Variants in IFT140 observed in about 807,000 individuals in gnomAD.
The protein encoded by IFT140 is intraflagellar transport 140, also known as intraflagellar transport protein 140 homolog.
Under a neutral mutation model 164.6 loss-of-function variants are expected in IFT140, and 133 were observed. The observed-to-expected ratio is 0.81, with a 90% CI of 0.70 to 0.93. The LOEUF (loss-of-function observed/expected upper bound fraction) is 0.93. Ranked by LOEUF, IFT140 falls within the 40% of genes least tolerant of loss-of-function variation. The probability of loss-of-function intolerance (pLI) is 0.00; values close to 1 mark genes in which losing one functional copy is unlikely to be tolerated. For synonymous variants in IFT140, 860 were observed against 817.3 expected, an observed-to-expected ratio of 1.05 and a Z score of -0.89; for missense variants, 2,045 against 1,972.3, an observed-to-expected ratio of 1.04 and a Z score of -0.70.
intron 14 of IFT140, among the ~76,000 whole-genome samples, chr16:1,568,751 C>A (rs908079146): frequency 1.3e-5 from 2 of 151,912 alleles, no homozygotes; most frequent in Non-Finnish European, 2.9e-5. Context: ...GAGACTCCAT[C>A]TCAAAAACAA....
chr16:1,596,131 A>T (rs1044867424), intron 4 of IFT140, among the ~76,000 whole-genome samples: 3 of 152,188 alleles, frequency 2.0e-5, no homozygotes, highest in Admixed American at 6.5e-5. Context: ...AAAATATTTT[A>T]AAAATAATGC....
chr16:1,561,994 G>C lies in IFT140; in HGVS notation c.2190C>G (p.Phe730Leu). 6.2e-7 allele frequency: 1 copy of C among 1,601,910 alleles called. No homozygotes were observed. Among genetic ancestry groups the C allele is most frequent in the Non-Finnish European group, 8.5e-7 (1 of 1,175,042 alleles). The part of the protein sequence containing the change: ...LLGMEVPYYY[F>L]TRKPEEADRE... ...TGTCGTGGCTTCGTACCTTTCTTGT[G>C]AAGTAGTAATAAGGCACTTCCATCC... Residue 730 changes from phenylalanine to leucine, a missense_variant, in exon 18 of 31, where the codon TTC (phenylalanine) becomes TTG (leucine). Transcript: ENST00000426508.
chr16:1,528,395 A>G (rs1249353294), intron 19 of IFT140, among the ~76,000 whole-genome samples: 1 of 145,916 alleles, frequency 6.9e-6, no homozygotes, highest in Non-Finnish European at 1.5e-5. Flanking sequence ...GTGCACACAC[A>G]CGGATGCACA....
chr16:1,520,692 C>A lies in IFT140; in HGVS notation c.3570G>T (p.Glu1190Asp). ...SSDLPEESRR[E>D]LLEQIADCCM... The stretch of plus-strand genomic sequence containing the variant: ...AGCAGTCTGCTATCTGCTCCAGCAG[C>A]TCCCGCCGCGACTCCTCAGGCAGGT... Residue 1190 changes from glutamate to aspartate, a missense_variant, in exon 27 of 31, where the codon GAG (glutamate) becomes GAT (aspartate). Glu to Asp is a conservative substitution (Grantham distance 45). Transcript: ENST00000426508. 6.2e-7 allele frequency: 1 copy of A among 1,609,898 alleles called. No individual in the cohort carries two copies.
rs1464001094 is a variant in IFT140, at chr16:1,552,975, C to T, written c.2399+4960G>A. 5.1e-6 allele frequency: 5 copies of T among 985,126 alleles called. No homozygotes were observed. In the African/African-American group the frequency reaches 7.0e-5, roughly 14 times the overall value. The allele number at this position is 985,126 out of a possible 1,614,324, so 61.0% of individuals were successfully genotyped here. A position where few individuals can be genotyped will look rare whatever the true frequency, so the allele number is the denominator to read the frequency against. ...GTCTAGAATGTTATTTTTAATAAAA[C>T]AGAAGTATCCAGGAGCTACCCATGT... On this transcript the variant is annotated intron_variant, in intron 19 of 30. Coordinates refer to ENST00000426508, the MANE Select transcript of IFT140 (RefSeq NM_014714.4).
At position 1,580,677 on chromosome 16, in the gene IFT140, A is replaced by G. The variant is rs1447219488; in HGVS notation, c.1524+82T>C. The G allele has an allele frequency of 9.7e-6, 9 of 925,404 alleles. No homozygotes were observed. In the East Asian group the frequency reaches 1.9e-4, roughly 20 times the overall value. The allele number at this position is 925,404 out of a possible 1,614,324, so 57.3% of individuals were successfully genotyped here. A position where few individuals can be genotyped will look rare whatever the true frequency, so the allele number is the denominator to read the frequency against. ...GAAAGGACTAATAACCTTAGGTGAA[A>G]TCAATAAACAGGCTTTGTCTCAATT... On this transcript the variant is annotated intron_variant, in intron 13 of 30. Transcript: ENST00000426508.
rs2040121808 is a variant in IFT140 at position 1,510,961 on chromosome 16, C to T, written c.4372G>A (p.Ala1458Thr). ...CAGGCCCCTCAGGGGTCGTCATCTG[C>T]CTCTTCCACCACCTCCTCGTCCAGC... ...RELDEEVVEE[A>T]DDDP The change falls in exon 31 of 31, where the codon GCA (alanine) becomes ACA (threonine). Residue 1458 changes from alanine to threonine, a missense_variant. Ala to Thr is a moderately conservative substitution (Grantham distance 58). Coordinates refer to ENST00000426508, the MANE Select transcript of IFT140 (RefSeq NM_014714.4). The T allele has an allele frequency of 6.2e-7, 1 of 1,612,076 alleles. No homozygotes were observed. The highest frequency in any genetic ancestry group is 8.5e-7 in the Non-Finnish European group (1 of 1,179,510).
chr16:1,597,146 T>G (rs1042087330), intron 4 of IFT140, among the ~76,000 whole-genome samples: 1 of 152,122 alleles, frequency 6.6e-6, no homozygotes, highest in Non-Finnish European at 1.5e-5. Context: ...TGGCCCCACA[T>G]CAGGGTGCGC....
chr16:1,586,882 T>C (rs895499031), intron 9 of IFT140, among the ~76,000 whole-genome samples: 27 of 152,176 alleles, frequency 1.8e-4, no homozygotes, highest in Non-Finnish European at 4.4e-5. Flanking sequence ...AATTTTTGTA[T>C]TTTTTGTGGA....
intron 19 of IFT140, among the ~76,000 whole-genome samples, chr16:1,529,116 C>A (rs761217279): frequency 2.6e-5 from 4 of 152,208 alleles, no homozygotes; most frequent in African/African-American, 9.7e-5. Flanking sequence ...TCCCGAAAGC[C>A]AGCAGGTACT....
At chr16:1,611,291 G>C (rs2036309808) in intron 1 of IFT140, among the ~76,000 whole-genome samples, 1 of 152,198 alleles carries the variant, frequency 6.6e-6, no homozygotes, top group African/African-American at 2.4e-5. Flanking sequence ...GATCGTTGGA[G>C]CCCAGGAGTT....
chr16:1,555,093 TCCA>T, intron 19 of IFT140: 14 of 1,537,274 alleles, frequency 9.1e-6, no homozygotes, highest in Non-Finnish European at 1.2e-5. Flanking sequence ...ACCAAGGGAC[TCCA>T]CCACCAAGTC....
rs376736727 is a variant in IFT140, at chr16:1,606,506, G to T, written c.147+614C>A. 5.9e-5 allele frequency among the ~76,000 whole-genome samples: 9 copies of T among 152,310 alleles called. No homozygotes were observed. The East Asian group carries it at 1.7e-3, about 29-fold the overall frequency. On this transcript the variant is annotated intron_variant, in intron 3 of 30. Coordinates refer to ENST00000426508, the MANE Select transcript of IFT140 (RefSeq NM_014714.4). ...ACAGAGTTTTGCTTTTGTTGCCCAG[G>T]CTGGAGCGCAATGGCGTGATCGCCG...
intron 13 of IFT140, among the ~76,000 whole-genome samples, chr16:1,575,388 A>C (rs943351836): frequency 1.3e-5 from 2 of 149,194 alleles, no homozygotes; most frequent in Admixed American, 1.3e-4. Flanking sequence ...AAAAATAAAT[A>C]AAAATGAAAA....
intron 19 of IFT140, among the ~76,000 whole-genome samples, chr16:1,544,136 G>T (rs2031920374): frequency 6.7e-6 from 1 of 150,010 alleles, no homozygotes; most frequent in Admixed American, 6.7e-5. Flanking sequence ...TCCTGCCTCA[G>T]CCTCCCGTGT....
In IFT140 at chr16:1,562,004, T is replaced by C; in HGVS notation, c.2180A>G (p.Tyr727Cys). The change falls in exon 18 of 31, where the codon TAT becomes TGT. Residue 727 changes from tyrosine to cysteine, a missense_variant. Physicochemically the swap from Tyr to Cys is radical, Grantham distance 194 (BLOSUM62 -2). Transcript: ENST00000426508. ...SHSLLGMEVP[Y>C]YYFTRKPEEA... ...TCGTACCTTTCTTGTGAAGTAGTAA[T>C]AAGGCACTTCCATCCCCAGGAGACT... The C allele has an allele frequency of 6.2e-7, 1 of 1,608,050 alleles. No homozygotes were observed. Among genetic ancestry groups the C allele is most frequent in the Non-Finnish European group, 8.5e-7 (1 of 1,177,592 alleles).
rs917672048 is a variant in IFT140, at chr16:1,541,788, T to A, written c.2400-14992A>T. 6 of 1,107,630 alleles carry A rather than the reference T, an allele frequency of 5.4e-6. No individual in the cohort carries two copies. In the African/African-American group the frequency reaches 8.1e-5, roughly 15 times the overall value. 68.6% of individuals were successfully genotyped at this position (1,107,630 alleles called of 1,614,324 possible). ...AGGGCGTGATGCTTCCCGAAGCCACTGCCCAATGGAGGCACAGCCTGTGCC... is the reference window on the plus strand; with the variant it reads ...AGGGCGTGATGCTTCCCGAAGCCACAGCCCAATGGAGGCACAGCCTGTGCC... On this transcript the variant is annotated intron_variant, in intron 19 of 30. Coordinates refer to ENST00000426508, the MANE Select transcript of IFT140 (RefSeq NM_014714.4).
chr16:1,568,259 C>A lies in IFT140; in HGVS notation c.1728G>T (p.Arg576=). Residue 576 remains arginine, a synonymous_variant, in exon 15 of 31, where the codon CGG becomes CGT. Transcript: ENST00000426508. Reference sequence around the variant, plus strand: ...TGATGGTGCTCCCGCTGCTGCTGCACCGCAGAGAAGCGATGCCCCCCACCC... The same window carrying A: ...TGATGGTGCTCCCGCTGCTGCTGCAACGCAGAGAAGCGATGCCCCCCACCC... ...VPGVGGIASL[R]CSSSGSTISI... is the part of the protein sequence containing the mutation. 6.2e-7 allele frequency: 1 copy of A among 1,612,552 alleles called. No homozygotes were observed. Among genetic ancestry groups the A allele is most frequent in the Non-Finnish European group, 8.5e-7 (1 of 1,179,580 alleles).
intron 7 of IFT140, among the ~76,000 whole-genome samples, chr16:1,588,713 G>A (rs570777241): frequency 4.6e-5 from 7 of 152,090 alleles, no homozygotes; most frequent in African/African-American, 9.6e-5. Flanking sequence ...AGGGCCCACC[G>A]GCCAGTGAGG....
Sources: gnomAD v4.1 joint callset for allele counts (sites outside exome capture counted in the v4.1 genomes callset) on GRCh38, gnomAD v4.1.1 for gene constraint, MANE v1.5 for transcripts, NCBI Gene and HGNC (gene_info 2026-07-23, HGNC 2026-07-21) for gene names.